The following C12orf76 variants were observed in gnomAD, a reference collection of about 807,000 sequenced individuals.
C12orf76 encodes the protein chromosome 12 open reading frame 76, also known as uncharacterized protein C12orf76.
A neutral mutation model predicts 6.8 loss-of-function variants in C12orf76; 6 were observed. The ratio of observed to expected loss-of-function variants is 0.88; its 90% CI spans 0.48 to 1.73. The LOEUF (loss-of-function observed/expected upper bound fraction) is 1.73, where lower values mean the gene tolerates loss of function less well. Among genes scored for constraint, C12orf76 ranks in the 40% most tolerant of loss-of-function variants. C12orf76 has a pLI of 0.01. For synonymous variants in C12orf76, 56 were observed against 43.7 expected, an observed-to-expected ratio of 1.28 and a Z score of -1.11; for missense variants, 99 against 98.2, an observed-to-expected ratio of 1.01 and a Z score of -0.03.
chr12:110,063,278 T>C (rs1892805146), intron 2 of C12orf76, among the ~76,000 whole-genome samples: 1 of 151,474 alleles, frequency 6.6e-6, no homozygotes, highest in Admixed American at 6.6e-5. Context: ...GTCTCAATAT[T>C]TTTATTTATT....
upstream of C12orf76, among the ~76,000 whole-genome samples, chr12:110,053,927 T>C (rs1391238732): frequency 1.3e-5 from 2 of 151,292 alleles, no homozygotes; most frequent in African/African-American, 4.9e-5. Context: ...TGACGAAAAA[T>C]ACAAAAATTA....
At chr12:110,051,230 T>C (rs1566074530), upstream of C12orf76, 2 of 765,586 alleles carry the variant, frequency 2.6e-6, no homozygotes, top group Admixed American at 1.7e-5. Context: ...AGGCAGGCTC[T>C]GCAGGCCACT....
chr12:110,072,428 C>T (rs1225889884), upstream of C12orf76, among the ~76,000 whole-genome samples: 1 of 151,562 alleles, frequency 6.6e-6, no homozygotes, highest in Admixed American at 6.6e-5. Flanking sequence ...AGGCAGAAAG[C>T]AGATTCATGG....
chr12:110,066,167 T>C, intron 1 of C12orf76: 1 of 1,242,178 alleles, frequency 8.1e-7, no homozygotes. Flanking sequence ...AGGCCAGGAG[T>C]TCAAGACCAG....
At chr12:110,073,273 C>T in intron 1 of C12orf76, 2 of 421,824 alleles carry the variant, frequency 4.7e-6, no homozygotes, top group Non-Finnish European at 9.6e-6. Context: ...CCTGATGCTG[C>T]TTCCTCCCTC....
chr12:110,062,839 G>T (rs977383215), intron 2 of C12orf76, among the ~76,000 whole-genome samples: 11 of 109,890 alleles, frequency 1.0e-4, no homozygotes, highest in Admixed American at 2.4e-4. Flanking sequence ...TCAATTTGTT[G>T]CTCAGCTGTT....
chr12:110,056,142 C>T (rs1892663839), intron 4 of C12orf76, among the ~76,000 whole-genome samples: 2 of 152,020 alleles, frequency 1.3e-5, no homozygotes, highest in South Asian at 2.1e-4. Flanking sequence ...AGTTTGCACA[C>T]TTTACCTGTA....
upstream of C12orf76, chr12:110,051,444 TTA>T: frequency 3.3e-6 from 2 of 603,784 alleles, no homozygotes; most frequent in Non-Finnish European, 5.9e-6. Flanking sequence ...TTTTTTTTTT[TTA>T]AATGGAGTCT....
upstream of C12orf76, chr12:110,048,739 C>T (rs1213754131): frequency 1.9e-6 from 2 of 1,075,472 alleles, no homozygotes; most frequent in African/African-American, 3.3e-5. Flanking sequence ...TGCCAACGTT[C>T]GCCGCGATTA....
chr12:110,053,458 C>G (rs1203034401), upstream of C12orf76, among the ~76,000 whole-genome samples: 1 of 152,134 alleles, frequency 6.6e-6, no homozygotes, highest in Non-Finnish European at 1.5e-5. Context: ...GAGATTGCAC[C>G]ACTGCACTCC....
At chr12:110,043,371 C>G (rs1468001723) in intron 1 of C12orf76, among the ~76,000 whole-genome samples, 1 of 133,864 alleles carries the variant, frequency 7.5e-6, no homozygotes, top group African/African-American at 3.3e-5. Flanking sequence ...CTGATTTAGT[C>G]GGAAAAAAAA....
chr12:110,063,428 G>A (rs919656637), intron 2 of C12orf76, among the ~76,000 whole-genome samples: 1 of 149,186 alleles, frequency 6.7e-6, no homozygotes, highest in African/African-American at 2.5e-5. Flanking sequence ...GATTACAGGT[G>A]CCTACCACTA....
intron 2 of C12orf76, among the ~76,000 whole-genome samples, chr12:110,063,602 TTTTATTTATTTATTTA>T (rs147216427): frequency 5.8e-5 from 8 of 138,698 alleles, no homozygotes; most frequent in African/African-American, 1.3e-4. Flanking sequence ...GGATTTTTAT[TTTTATTTATTTATTTA>T]TTTATTTATT....
At chr12:110,055,781 C>G (rs1200760588) in intron 4 of C12orf76, among the ~76,000 whole-genome samples, 6 of 152,112 alleles carry the variant, frequency 3.9e-5, no homozygotes, top group Admixed American at 3.9e-4. Flanking sequence ...GGAGTCGAAG[C>G]TGTCTTCTTG....
chr12:110,062,263 C>T (rs1345786547), intron 2 of C12orf76, among the ~76,000 whole-genome samples: 1 of 151,986 alleles, frequency 6.6e-6, no homozygotes, highest in East Asian at 1.9e-4. Context: ...GACTCCATCT[C>T]CCAAAAAAGA....
chr12:110,044,101 A>C (rs935792722), intron 1 of C12orf76: 1 of 152,174 alleles, frequency 6.6e-6, no homozygotes, highest in Non-Finnish European at 1.5e-5. Context: ...GTGATACGCA[A>C]TCTTGTTTCT....
At chr12:110,065,055 T>C (rs984256473) in intron 2 of C12orf76, among the ~76,000 whole-genome samples, 1 of 152,184 alleles carries the variant, frequency 6.6e-6, no homozygotes, top group Non-Finnish European at 1.5e-5. Flanking sequence ...GGGATGAAGA[T>C]AGATGGTAGT....
At chr12:110,071,524 A>G (rs1346972932), upstream of C12orf76, among the ~76,000 whole-genome samples, 1 of 151,886 alleles carries the variant, frequency 6.6e-6, no homozygotes, top group Non-Finnish European at 1.5e-5. Context: ...TTTTTGTTTA[A>G]TTGTCACAAC....
At chr12:110,057,253 G>A (rs1892685689) in exon 4 of C12orf76, 1 of 1,613,964 alleles carries the variant, frequency 6.2e-7, no homozygotes, top group South Asian at 1.1e-5. Context: ...AGCTCTGCAG[G>A]GAGGATGTGC....
Sources: gnomAD v4.1 joint callset for allele counts (sites outside exome capture counted in the v4.1 genomes callset) on GRCh38, gnomAD v4.1.1 for gene constraint, MANE v1.5 for transcripts, NCBI Gene and HGNC (gene_info 2026-07-23, HGNC 2026-07-21) for gene names.